LRCH1: variants seen among roughly 807,000 people sequenced by gnomAD.
LRCH1 encodes the protein leucine-rich repeat and calponin homology domain-containing protein 1.
Under a neutral mutation model 94.9 loss-of-function variants are expected in LRCH1, and 23 were observed. The observed-to-expected ratio is 0.24, with a 90% CI of 0.17 to 0.34. The LOEUF (loss-of-function observed/expected upper bound fraction) is 0.34. LRCH1 is among the 10% of genes least tolerant of loss of function. The pLI is 1.00. For synonymous variants in LRCH1, 364 were observed against 354.9 expected (o/e 1.03, Z -0.29); for missense variants, 790 against 945.9 (o/e 0.84, Z 2.16).
intron 1 of LRCH1, among the ~76,000 whole-genome samples, chr13:46,631,188 A>T (rs541315895): frequency 1.2e-3 from 188 of 152,338 alleles, no homozygotes; most frequent in African/African-American, 4.0e-3. Flanking sequence ...TCCTTTCCAT[A>T]GCAAACATTT....
rs1409253682 is a variant in LRCH1, at chr13:46,723,254, T to C, written c.1793T>C (p.Ile598Thr). ...AGACCTCAGAGAAATTTGGAATCTA[T>C]AGACCCGCAGTTTACAATCCGGAGG... Reference protein sequence around the residue: ...FLRPQRNLESIDPQFTIRRKM... With the variant: ...FLRPQRNLESTDPQFTIRRKM... Residue 598 changes from isoleucine to threonine, a missense_variant, in exon 17 of 20, where the codon ATA (isoleucine) becomes ACA (threonine). Around this residue, in one of 3 missense-constraint regions of LRCH1, gnomAD observed 460 missense variants for 508.9 expected, o/e 0.90. Transcript: ENST00000389797. 5 of 1,613,666 alleles carry C rather than the reference T, an allele frequency of 3.1e-6. No individual in the cohort carries two copies. The South Asian group carries it at 4.4e-5, about 14-fold the overall frequency.
intron 1 of LRCH1, among the ~76,000 whole-genome samples, chr13:46,637,701 C>T (rs1460617628): frequency 7.1e-6 from 1 of 140,694 alleles, no homozygotes. Flanking sequence ...ACGCTTCTCC[C>T]GCACTTCGTA....
At chr13:46,731,102 A>T (rs1244343380) in intron 18 of LRCH1, among the ~76,000 whole-genome samples, 5 of 146,046 alleles carry the variant, frequency 3.4e-5, no homozygotes, top group Non-Finnish European at 7.5e-5. Flanking sequence ...TGCTTTTACC[A>T]TTATGTCTTC....
At chr13:46,727,079 C>G (rs982135927) in intron 17 of LRCH1, among the ~76,000 whole-genome samples, 6 of 152,106 alleles carry the variant, frequency 3.9e-5, no homozygotes, top group African/African-American at 1.4e-4. Flanking sequence ...ATTTTTAAAC[C>G]AGCCATGATG....
intron 2 of LRCH1, among the ~76,000 whole-genome samples, chr13:46,665,053 T>C (rs1373822091): frequency 6.6e-6 from 1 of 152,138 alleles, no homozygotes; most frequent in Non-Finnish European, 1.5e-5. Flanking sequence ...TTATATAAAT[T>C]TTTCTATAAA....
chr13:46,728,913 G>A lies in LRCH1; in HGVS notation c.1936G>A (p.Val646Ile), dbSNP rs767339290. ...DLGAALMDGV[V>I]LCHLVNHIRP... ...GGGGGCAGCCCTCATGGATGGTGTC[G>A]TCCTCTGCCATCTGGTCAACCACAT... Residue 646 changes from valine to isoleucine, a missense_variant, in exon 18 of 20, where the codon GTC (valine) becomes ATC (isoleucine). By Grantham distance (29) the Val-to-Ile change is conservative. Around this residue, in one of 3 missense-constraint regions of LRCH1, gnomAD observed 460 missense variants for 508.9 expected, o/e 0.90. Transcript: ENST00000389797. The A allele has an allele frequency of 2.2e-5, 36 of 1,613,702 alleles. No homozygotes were observed. Among genetic ancestry groups the A allele is most frequent in the East Asian group, 1.3e-4 (6 of 44,868 alleles).
intron 1 of LRCH1, among the ~76,000 whole-genome samples, chr13:46,648,373 T>C (rs2051249765): frequency 6.6e-6 from 1 of 152,192 alleles, no homozygotes; most frequent in African/African-American, 2.4e-5. Context: ...CCTGTACCAG[T>C]CTGGTCCGTG....
At chr13:46,602,110 T>C (rs2050634660) in intron 1 of LRCH1, among the ~76,000 whole-genome samples, 1 of 152,220 alleles carries the variant, frequency 6.6e-6, no homozygotes, top group African/African-American at 2.4e-5. Context: ...CTTTCCATTC[T>C]AGCTTGGTAA....
intron 18 of LRCH1, among the ~76,000 whole-genome samples, chr13:46,731,372 A>T (rs930171654): frequency 6.6e-6 from 1 of 152,042 alleles, no homozygotes; most frequent in Non-Finnish European, 1.5e-5. Context: ...CTGGGATTAC[A>T]GGTGCCCACC....
chr13:46,562,648 C>T (rs1434200105), intron 1 of LRCH1, among the ~76,000 whole-genome samples: 7 of 152,200 alleles, frequency 4.6e-5, no homozygotes, highest in East Asian at 1.9e-4. Flanking sequence ...CAGCCCATAA[C>T]GCCCACTGAC....
chr13:46,698,439 C>A (rs958633031), intron 9 of LRCH1, among the ~76,000 whole-genome samples: 1 of 151,488 alleles, frequency 6.6e-6, no homozygotes, highest in Admixed American at 6.6e-5. Flanking sequence ...CACTACATTG[C>A]CGCTTTGGGA....
At chr13:46,555,775 T>C (rs1471656134) in intron 1 of LRCH1, among the ~76,000 whole-genome samples, 2 of 152,236 alleles carry the variant, frequency 1.3e-5, no homozygotes, top group East Asian at 3.8e-4. Context: ...CAGCTAGTTA[T>C]TTTACATGAA....
intron 1 of LRCH1, among the ~76,000 whole-genome samples, chr13:46,623,790 C>G (rs939006322): frequency 6.7e-5 from 10 of 149,750 alleles, no homozygotes; most frequent in African/African-American, 2.5e-4. Flanking sequence ...TATACATGTG[C>G]CATGTTGGTG....
chr13:46,713,365 C>T (rs887644951), intron 15 of LRCH1, among the ~76,000 whole-genome samples: 15 of 152,148 alleles, frequency 9.9e-5, no homozygotes, highest in South Asian at 2.1e-4. Flanking sequence ...AGAATTCAGA[C>T]GCTTTTAAAT....
intron 9 of LRCH1, among the ~76,000 whole-genome samples, chr13:46,695,918 GA>G (rs1425193848): frequency 1.3e-5 from 2 of 152,128 alleles, no homozygotes; most frequent in African/African-American, 2.4e-5. Context: ...ATGGCCTCCA[GA>G]TAAAAATAAT....
intron 11 of LRCH1, among the ~76,000 whole-genome samples, chr13:46,704,490 T>C (rs1201135620): frequency 6.6e-6 from 1 of 152,094 alleles, no homozygotes; most frequent in African/African-American, 2.4e-5. Context: ...TATAAATGCA[T>C]CCCTGTTTAA....
chr13:46,608,902 T>A (rs1178369656), intron 1 of LRCH1, among the ~76,000 whole-genome samples: 1 of 152,180 alleles, frequency 6.6e-6, no homozygotes, highest in Non-Finnish European at 1.5e-5. Flanking sequence ...TAAAGAAAAT[T>A]GACAGAACAA....
chr13:46,692,711 G>A, intron 8 of LRCH1, 70 bp downstream of exon 8: 1 of 1,114,680 alleles, frequency 9.0e-7, no homozygotes, highest in Non-Finnish European at 1.3e-6. Flanking sequence ...AATAACCTGT[G>A]CACAGATAGG....
chr13:46,745,160 G>C (rs1380906350), downstream of LRCH1, among the ~76,000 whole-genome samples: 1 of 152,182 alleles, frequency 6.6e-6, no homozygotes, highest in Non-Finnish European at 1.5e-5. Context: ...TGCAGATTCT[G>C]TTGGGATTAC....
Sources: gnomAD v4.1 joint callset for allele counts (sites outside exome capture counted in the v4.1 genomes callset) on GRCh38, gnomAD v4.1.1 for gene constraint, gnomAD v4.1.1 regional missense constraint, MANE v1.5 for transcripts, NCBI Gene and HGNC (gene_info 2026-07-23, HGNC 2026-07-21) for gene names.